Variants in DRD2 observed in about 807,000 individuals in gnomAD.
DRD2 encodes dopamine receptor D2.
Under a neutral mutation model 38.0 loss-of-function variants are expected in DRD2, and 8 were observed. That is an observed-to-expected ratio of 0.21 (90% confidence interval 0.12 to 0.38). The LOEUF (loss-of-function observed/expected upper bound fraction) is 0.38, where lower values mean the gene tolerates loss of function less well. Among genes scored for constraint, DRD2 ranks in the 10% least tolerant of loss-of-function variants. The pLI is 1.00. For missense variants in DRD2, 403 were observed against 607.7 expected (o/e 0.66, Z 3.54); for synonymous variants, 230 against 238.6 (o/e 0.96, Z 0.33).
At chr11:113,432,936 A>G (rs1951002519) in intron 1 of DRD2, among the ~76,000 whole-genome samples, 1 of 152,226 alleles carries the variant, frequency 6.6e-6, no homozygotes, top group Non-Finnish European at 1.5e-5. Context: ...CTGGCCGAGG[A>G]GGCAACCTCA....
At chr11:113,451,456 A>G (rs1327066240) in intron 1 of DRD2, among the ~76,000 whole-genome samples, 1 of 152,084 alleles carries the variant, frequency 6.6e-6, no homozygotes, top group Non-Finnish European at 1.5e-5. Context: ...GTATATATGT[A>G]TATATATAAT....
At chr11:113,446,179 T>C (rs2119879536) in intron 1 of DRD2, among the ~76,000 whole-genome samples, 1 of 152,258 alleles carries the variant, frequency 6.6e-6, no homozygotes, top group Non-Finnish European at 1.5e-5. Flanking sequence ...CACTCGCCCC[T>C]TTCCAGAAGC....
intron 1 of DRD2, among the ~76,000 whole-genome samples, chr11:113,438,287 C>T (rs897066011): frequency 1.8e-4 from 28 of 152,088 alleles, no homozygotes; most frequent in African/African-American, 6.5e-4. Context: ...TTCTGGGCCT[C>T]AGTCTTCTCA....
chr11:113,470,364 T>C (rs930823757), intron 1 of DRD2, among the ~76,000 whole-genome samples: 1 of 152,136 alleles, frequency 6.6e-6, no homozygotes, highest in Non-Finnish European at 1.5e-5. Flanking sequence ...GGGCCACAGC[T>C]GCAGTTCTGT....
chr11:113,474,235 C>T (rs1951456180), intron 1 of DRD2: 1 of 152,376 alleles, frequency 6.6e-6, no homozygotes, highest in African/African-American at 2.4e-5. Flanking sequence ...CTTACCTCTG[C>T]TCTTCAAGAG....
intron 2 of DRD2, among the ~76,000 whole-genome samples, chr11:113,419,977 T>A (rs2245805): frequency 6.6e-6 from 1 of 152,156 alleles, no homozygotes; most frequent in African/African-American, 2.4e-5. Context: ...CGCTGACCAG[T>A]TTGGCAGGAG....
At chr11:113,456,611 A>G (rs1176059126) in intron 1 of DRD2, among the ~76,000 whole-genome samples, 1 of 152,210 alleles carries the variant, frequency 6.6e-6, no homozygotes, top group Non-Finnish European at 1.5e-5. Context: ...TACAACATGG[A>G]TGAACCTTGA....
At chr11:113,465,913 T>A (rs1328941838) in intron 1 of DRD2, among the ~76,000 whole-genome samples, 1 of 152,224 alleles carries the variant, frequency 6.6e-6, no homozygotes, top group East Asian at 1.9e-4. Context: ...ATAATGATAG[T>A]GAATGTTTGC....
chr11:113,410,351 G>C lies in DRD2; in HGVS notation c.*376C>G, dbSNP rs6279. The C allele has an allele frequency of 0.63, 268,007 of 426,798 alleles. 87,374 individuals are homozygous for C. Among genetic ancestry groups the C allele is most frequent in the Non-Finnish European group, 0.7 (159,327 of 228,700 alleles). 26.4% of individuals were successfully genotyped at this position (426,798 alleles called of 1,614,324 possible). ...CCTGCTCCACGCCAAGCCCCACAAA[G>C]AGAAAACTCAGCCTCTGGGCCCTGA... On this transcript the variant is annotated 3_prime_UTR_variant, in exon 8 of 8. Transcript: ENST00000362072.
Position 113,410,769 on chromosome 11 carries a change from G to A in DRD2, c.1290C>T (p.Asn430=). The change falls in exon 8 of 8, where the codon AAC becomes AAT. Residue 430 remains asparagine (N), a synonymous_variant. Coordinates refer to ENST00000362072, the MANE Select transcript of DRD2 (RefSeq NM_000795.4). Reference sequence around the variant, plus strand: ...TCAGGAAGGCCTTGCGGAACTCAATGTTGAAGGTGGTGTAGATGATGGGGT... The same window carrying A: ...TCAGGAAGGCCTTGCGGAACTCAATATTGAAGGTGGTGTAGATGATGGGGT... ...AVNPIIYTTF[N]IEFRKAFLKI... The A allele has an allele frequency of 1.2e-6, 2 of 1,614,236 alleles. No individual in the cohort carries two copies. The highest frequency in any genetic ancestry group is 1.7e-6 in the Non-Finnish European group (2 of 1,180,034).
intron 1 of DRD2, among the ~76,000 whole-genome samples, chr11:113,446,825 G>T (rs1565673032): frequency 6.6e-6 from 1 of 152,356 alleles, no homozygotes. Context: ...TAGGAACTCA[G>T]TGTTGGTGGC....
At chr11:113,452,469 T>TGCGCGCGCGC (rs150781651) in intron 1 of DRD2, among the ~76,000 whole-genome samples, 128 of 118,766 alleles carry the variant, frequency 1.1e-3, no homozygotes, top group African/African-American at 4.6e-3. Flanking sequence ...TGTGTGTGTG[T>TGCGCGCGCGC]GCGCGCGCGC....
intron 6 of DRD2, among the ~76,000 whole-genome samples, chr11:113,413,111 T>A (rs1049182889): frequency 2.0e-5 from 3 of 152,176 alleles, no homozygotes; most frequent in African/African-American, 7.2e-5. Flanking sequence ...GCAGCCTCAA[T>A]ACCCCACTTC....
At position 113,415,503 on chromosome 11, in the gene DRD2, A is replaced by G. The variant is rs1565660543; in HGVS notation, c.641T>C (p.Ile214Thr). 1.2e-5 allele frequency: 19 copies of G among 1,613,834 alleles called. No homozygotes were observed. The highest frequency in any genetic ancestry group is 1.5e-5 in the Non-Finnish European group (18 of 1,179,932). ...VTLLVYIKIY[I>T]VLRRRRKRVN... ...TCGCTTGCGGCGTCTGCGGAGGACA[A>G]TGTAGATCTTGATGTAGACCAGCAG... is the stretch of plus-strand genomic sequence containing the variant. Residue 214 changes from isoleucine to threonine, a missense_variant, in exon 5 of 8, where the codon ATT becomes ACT. Transcript: ENST00000362072.
intron 1 of DRD2, among the ~76,000 whole-genome samples, chr11:113,468,817 G>A (rs1412171368): frequency 6.6e-6 from 1 of 152,078 alleles, no homozygotes; most frequent in Non-Finnish European, 1.5e-5. Flanking sequence ...CAAAGGGATG[G>A]GATTACAGGC....
chr11:113,412,611 C>T lies in DRD2; in HGVS notation c.1083G>A (p.Arg361=). The part of the protein sequence containing the change: ...TRTSLKTMSR[R]KLSQQKEKKA... ...TCTTCTCCTTCTGCTGGGAGAGCTT[C>T]CTACGGCTCATGGTCTTGAGGGAGG... The change falls in exon 7 of 8, where the codon AGG becomes AGA. Residue 361 remains arginine (R), a synonymous_variant. Coordinates refer to ENST00000362072, the MANE Select transcript of DRD2 (RefSeq NM_000795.4). The T allele has an allele frequency of 1.2e-6, 2 of 1,614,090 alleles. No individual in the cohort carries two copies. The highest frequency in any genetic ancestry group is 1.3e-5 in the African/African-American group (1 of 75,012).
intron 1 of DRD2, among the ~76,000 whole-genome samples, chr11:113,451,088 C>T (rs1951206169): frequency 6.6e-6 from 1 of 152,196 alleles, no homozygotes. Flanking sequence ...GTAGTTACCT[C>T]TCTGGTTCCA....
intron 1 of DRD2, among the ~76,000 whole-genome samples, chr11:113,425,672 G>A (rs1229525308): frequency 6.6e-6 from 1 of 152,026 alleles, no homozygotes; most frequent in African/African-American, 2.4e-5. Context: ...GAGATGATGA[G>A]GTTTGGCAGG....
In DRD2 at chr11:113,414,508, A is replaced by AG. The variant is rs751849880; in HGVS notation, c.724-48dup. On this transcript the variant is annotated intron_variant, in intron 5 of 7. Coordinates refer to ENST00000362072, the MANE Select transcript of DRD2 (RefSeq NM_000795.4). ...GGGTCACACAAAGTGGTGGGGATGG[A>AG]GGGGGGACAGAAACCCAAAGTGCAG... The AG allele has an allele frequency of 4.4e-6, 7 of 1,605,264 alleles. No individual in the cohort carries two copies. The African/African-American group carries it at 6.7e-5, about 15-fold the overall frequency.
Sources: allele counts gnomAD v4.1 joint callset (sites outside exome capture counted in the v4.1 genomes callset), GRCh38; gene constraint gnomAD v4.1.1; transcripts MANE v1.5; gene names NCBI Gene and HGNC (gene_info 2026-07-23, HGNC 2026-07-21).